ANKRD31: variants seen among roughly 807,000 people sequenced by gnomAD.
The protein encoded by ANKRD31 is ankyrin repeat domain-containing protein 31.
A neutral mutation model predicts 186.0 loss-of-function variants in ANKRD31; 147 were observed. The ratio of observed to expected loss-of-function variants is 0.79; its 90% confidence interval spans 0.69 to 0.91. The LOEUF (loss-of-function observed/expected upper bound fraction) is 0.91, where lower values mean the gene tolerates loss of function less well. ANKRD31 is among the 40% of genes least tolerant of loss of function. The pLI is 0.00. For missense variants in ANKRD31, 1,986 were observed against 2,148.8 expected (o/e 0.92, Z 1.50); for synonymous variants, 673 against 736.4 (o/e 0.91, Z 1.39).
chr5:75,168,881 A>C, intron 11 of ANKRD31, 98 bp downstream of exon 11: 1 of 1,204,044 alleles, frequency 8.3e-7, no homozygotes, highest in South Asian at 2.0e-5. Flanking sequence ...AATGAAATTA[A>C]ACTAAAATTT....
intron 19 of ANKRD31, among the ~76,000 whole-genome samples, chr5:75,115,852 G>A (rs1471119381): frequency 3.3e-5 from 5 of 151,994 alleles, no homozygotes; most frequent in Non-Finnish European, 5.9e-5. Context: ...TCAGTGTGGC[G>A]ATTCCTCAGG....
chr5:75,075,991 T>A (rs1744607375), intron 25 of ANKRD31, among the ~76,000 whole-genome samples: 1 of 152,160 alleles, frequency 6.6e-6, no homozygotes, highest in Admixed American at 6.5e-5. Context: ...GGACTTGTTC[T>A]TACATATTAA....
In ANKRD31 at chr5:75,146,076, T is replaced by A; in HGVS notation, c.3335A>T (p.Asp1112Val). 1 of 1,533,346 alleles carries A rather than the reference T, an allele frequency of 6.5e-7. No individual in the cohort carries two copies. Among genetic ancestry groups the A allele is most frequent in the African/African-American group, 1.4e-5 (1 of 72,872 alleles). 95.0% of individuals were successfully genotyped at this position (1,533,346 alleles called of 1,614,324 possible). The change falls in exon 14 of 26, where the codon GAT becomes GTT. Residue 1112 changes from aspartate to valine, a missense_variant. Asp to Val is a radical substitution (Grantham distance 152). Coordinates refer to ENST00000506364, the MANE Select transcript of ANKRD31 (RefSeq NM_001372053.1). ...HLESETIHNIDSHSTDNMSKE... is the reference protein window; with the variant it reads ...HLESETIHNIVSHSTDNMSKE... ...ACTCATATTGTCAGTGGAATGAGAA[T>A]CTATATTGTGTATAGTCTCACTTTC...
At position 75,091,433 on chromosome 5, in the gene ANKRD31, C is replaced by A. The variant is rs559006891; in HGVS notation, c.5332-32G>T. 4.5e-5 allele frequency: 68 copies of A among 1,516,424 alleles called. No individual in the cohort carries two copies. The Admixed American group carries it at 1.0e-3, about 23-fold the overall frequency. 93.9% of individuals were successfully genotyped at this position (1,516,424 alleles called of 1,614,324 possible). A position where few individuals can be genotyped will look rare whatever the true frequency, so the allele number is the denominator to read the frequency against. ...TGAAAAATAAAACAGAAATTAAGGT[C>A]AAAAATAGCTGAAATATGTGAATTT... On this transcript the variant is annotated intron_variant, in intron 22 of 25. Coordinates refer to ENST00000506364, the MANE Select transcript of ANKRD31 (RefSeq NM_001372053.1).
At chr5:75,233,499 G>C (rs1450205640) in intron 1 of ANKRD31, among the ~76,000 whole-genome samples, 1 of 151,888 alleles carries the variant, frequency 6.6e-6, no homozygotes, top group African/African-American at 2.4e-5. Flanking sequence ...CTTAACCAGG[G>C]CCCTATGAGG....
At chr5:75,191,838 G>A (rs1279670072) in intron 9 of ANKRD31, among the ~76,000 whole-genome samples, 2 of 151,932 alleles carry the variant, frequency 1.3e-5, no homozygotes, top group African/African-American at 4.8e-5. Flanking sequence ...TTTCTAACAA[G>A]TTAATACATA....
chr5:75,104,535 C>G lies in ANKRD31; in HGVS notation c.5024G>C (p.Gly1675Ala). Residue 1675 changes from glycine to alanine, a missense_variant, in exon 22 of 26, where the codon GGA becomes GCA. By Grantham distance (60) the Gly-to-Ala change is moderately conservative. Transcript: ENST00000506364. ...QDLSNYDPKRGNRKTSSQQSP... is the reference protein window; with the variant it reads ...QDLSNYDPKRANRKTSSQQSP... ...TTGCTGGGAACTTGTTTTTCTGTTT[C>G]CTCTTTTGGGATCATAATTGGAAAG... 6.5e-7 allele frequency: 1 copy of G among 1,536,790 alleles called. No homozygotes were observed. The highest frequency in any genetic ancestry group is 1.2e-5 in the South Asian group (1 of 83,890).
At chr5:75,121,912 G>GA (rs750827725) in intron 17 of ANKRD31, among the ~76,000 whole-genome samples, 1 of 151,528 alleles carries the variant, frequency 6.6e-6, no homozygotes, top group South Asian at 2.1e-4. Flanking sequence ...AGAAAAACAA[G>GA]AAAAAACCAA....
intron 8 of ANKRD31, among the ~76,000 whole-genome samples, chr5:75,193,014 G>T (rs1755218347): frequency 6.6e-6 from 1 of 151,894 alleles, no homozygotes; most frequent in African/African-American, 2.4e-5. Context: ...TCTTCTTTAG[G>T]ATTAGTCATC....
At chr5:75,154,421 T>C (rs1053437690) in intron 11 of ANKRD31, 76 bp from the exon 12 acceptor site, 32 of 1,183,990 alleles carry the variant, frequency 2.7e-5, no homozygotes, top group Admixed American at 3.5e-5. Context: ...CAGACTACTC[T>C]AAGTAACATC....
chr5:75,133,099 A>G (rs558710797), intron 17 of ANKRD31, among the ~76,000 whole-genome samples: 56 of 152,318 alleles, frequency 3.7e-4, no homozygotes, highest in Middle Eastern at 3.4e-3. Flanking sequence ...AAGAAACTGC[A>G]TCAACTAACG....
intron 12 of ANKRD31, among the ~76,000 whole-genome samples, chr5:75,153,439 C>T (rs1340016933): frequency 6.6e-6 from 1 of 152,012 alleles, no homozygotes; most frequent in Non-Finnish European, 1.5e-5. Context: ...GTGGTCTAGG[C>T]CTCGTTGAGA....
intron 4 of ANKRD31, among the ~76,000 whole-genome samples, chr5:75,210,385 A>G (rs6865731): frequency 0.51 from 77,269 of 151,998 alleles, 22,697 homozygotes; most frequent in African/African-American, 0.82. Flanking sequence ...TGTTGGCCAG[A>G]CTGGTCTGGA....
chr5:75,126,956 G>A (rs1304668332), intron 17 of ANKRD31, among the ~76,000 whole-genome samples: 2 of 152,152 alleles, frequency 1.3e-5, no homozygotes, highest in Non-Finnish European at 2.9e-5. Context: ...GCTGAGGTGG[G>A]CAGATCAACT....
At chr5:75,156,692 A>G (rs1752203237) in intron 11 of ANKRD31, among the ~76,000 whole-genome samples, 1 of 152,222 alleles carries the variant, frequency 6.6e-6, no homozygotes, top group South Asian at 2.1e-4. Flanking sequence ...ACATGCACAC[A>G]CAGAGGAAAA....
At chr5:75,125,268 C>T (rs966757352) in intron 17 of ANKRD31, among the ~76,000 whole-genome samples, 2 of 152,004 alleles carry the variant, frequency 1.3e-5, no homozygotes. Flanking sequence ...TTAGTGAAGT[C>T]TGAGTAAAGG....
At chr5:75,179,111 T>C (rs911677573) in intron 10 of ANKRD31, among the ~76,000 whole-genome samples, 21 of 151,890 alleles carry the variant, frequency 1.4e-4, no homozygotes, top group Admixed American at 5.9e-4. Context: ...AACACCTCTA[T>C]GCAAATAAAC....
intron 11 of ANKRD31, among the ~76,000 whole-genome samples, chr5:75,157,017 C>T (rs536548592): frequency 3.3e-5 from 5 of 152,230 alleles, no homozygotes; most frequent in East Asian, 1.9e-4. Flanking sequence ...AAAATGTAGA[C>T]GTGGCTTTGG....
intron 14 of ANKRD31, among the ~76,000 whole-genome samples, chr5:75,144,850 A>G (rs1751315941): frequency 6.6e-6 from 1 of 152,184 alleles, no homozygotes; most frequent in South Asian, 2.1e-4. Context: ...TATCCATCTG[A>G]CAAAGGGCTA....
Sources: allele counts gnomAD v4.1 joint callset (sites outside exome capture counted in the v4.1 genomes callset), GRCh38; gene constraint gnomAD v4.1.1; transcripts MANE v1.5; gene names NCBI Gene and HGNC (gene_info 2026-07-23, HGNC 2026-07-21).